The following CUL7 variants were observed in gnomAD, a reference collection of about 807,000 sequenced individuals.
The protein encoded by CUL7 is cullin-7.
In CUL7, 96 loss-of-function variants were observed where a neutral mutation model predicts 177.7. The ratio of observed to expected loss-of-function variants is 0.54; its 90% CI spans 0.46 to 0.64. The LOEUF (loss-of-function observed/expected upper bound fraction) is 0.64. Among genes scored for constraint, CUL7 ranks in the 30% least tolerant of loss-of-function variants. The pLI is 0.00. For missense variants in CUL7, 1,893 were observed against 2,187.9 expected, an observed-to-expected ratio of 0.87 and a Z score of 2.69; for synonymous variants, 824 against 890.2, an observed-to-expected ratio of 0.93 and a Z score of 1.32.
chr6:43,047,174 G>A, intron 9 of CUL7, 67 bp from the exon 10 acceptor site: 2 of 875,184 alleles, frequency 2.3e-6, no homozygotes, highest in Non-Finnish European at 3.9e-6. Flanking sequence ...ACCTGCAGTA[G>A]CAGGTACCCA....
rs762248583 is a variant in CUL7 at position 43,040,532 on chromosome 6, G to T, written c.4021C>A (p.Gln1341Lys). The change falls in exon 21 of 26, where the codon CAG becomes AAG. Residue 1341 changes from glutamine (Q) to lysine (K), a missense_variant and splice_region_variant. Gln to Lys is a moderately conservative substitution (Grantham distance 53). Transcript: ENST00000265348. The surrounding 1 kb of genome is among the most constrained non-coding windows in gnomAD (Gnocchi z 4.2). ...LKLEDTEKKIQVGLGASGKEH... is the reference protein window; with the variant it reads ...LKLEDTEKKIKVGLGASGKEH... ...CTTATCCCTTCCAAGGCACTCACCT[G>T]TATTTTCTTCTCTGTATCCTCCAGC... 5 of 1,613,950 alleles carry T rather than the reference G, an allele frequency of 3.1e-6. No individual in the cohort carries two copies. Among genetic ancestry groups the T allele is most frequent in the Non-Finnish European group, 4.2e-6 (5 of 1,179,984 alleles).
At position 43,053,811 on chromosome 6, in the gene CUL7, G is replaced by A; in HGVS notation, c.-198C>T. The A allele has an allele frequency of 2.0e-6, 3 of 1,532,880 alleles. No homozygotes were observed. The highest frequency in any genetic ancestry group is 2.2e-4 in the Middle Eastern group (1 of 4,566). The allele number at this position is 1,532,880 out of a possible 1,614,324, so 95.0% of individuals were successfully genotyped here. A position where few individuals can be genotyped will look rare whatever the true frequency, so the allele number is the denominator to read the frequency against. ...AGTCGGCAGCCACTGGGGCAGGGTG[G>A]GGCCCGGTCCCTGCCAGCGGCTCCG... On this transcript the variant is annotated 5_prime_UTR_variant, in exon 1 of 26. Coordinates refer to ENST00000265348, the MANE Select transcript of CUL7 (RefSeq NM_014780.5). The surrounding 1 kb of genome is among the most constrained non-coding windows in gnomAD (Gnocchi z 4.1).
At position 43,052,649 on chromosome 6, in the gene CUL7, C is replaced by T. The variant is rs535734678; in HGVS notation, c.140G>A (p.Arg47His). ...EYQIRWLILR[R>H]GDEGDGGSGQ... Reference sequence around the variant, plus strand: ...AGAGCCCCCGTCCCCCTCATCGCCACGCCGCAGGATGAGCCAACGGATCTG... The same window carrying T: ...AGAGCCCCCGTCCCCCTCATCGCCATGCCGCAGGATGAGCCAACGGATCTG... The change falls in exon 2 of 26, where the codon CGT (arginine) becomes CAT (histidine). Residue 47 changes from arginine to histidine, a missense_variant. By Grantham distance (29) the Arg-to-His change is conservative (BLOSUM62 0). Transcript: ENST00000265348. This position sits in a 1 kb window ranked among gnomAD's most constrained non-coding sequence, Gnocchi z 4.5. 4.3e-5 allele frequency: 69 copies of T among 1,614,232 alleles called. No homozygotes were observed. The highest frequency in any genetic ancestry group is 1.2e-4 in the South Asian group (11 of 91,088).
At position 43,044,765 on chromosome 6, in the gene CUL7, G is replaced by A. The variant is rs750225135; in HGVS notation, c.3159C>T (p.Asn1053=). ...CAGGATGGTTACCAGGGGAGGTGATGTTCTGCACCACGGGGCTGACCAGGG... is the reference window on the plus strand; with the variant it reads ...CAGGATGGTTACCAGGGGAGGTGATATTCTGCACCACGGGGCTGACCAGGG... ...WEALVSPVVQ[N]ITSPDEDGIS... The change falls in exon 16 of 26, where the codon AAC becomes AAT. Residue 1053 remains asparagine, a synonymous_variant. Transcript: ENST00000265348. 6.8e-6 allele frequency: 11 copies of A among 1,611,302 alleles called. No individual in the cohort carries two copies. Among genetic ancestry groups the A allele is most frequent in the Middle Eastern group, 1.7e-4 (1 of 6,050 alleles).
At position 43,042,949 on chromosome 6, in the gene CUL7, A is replaced by G. The variant is rs959529000; in HGVS notation, c.3498T>C (p.Asp1166=). Residue 1166 remains aspartate, a synonymous_variant, in exon 19 of 26, where the codon GAT becomes GAC. Coordinates refer to ENST00000265348, the MANE Select transcript of CUL7 (RefSeq NM_014780.5). Reference sequence around the variant, plus strand: ...GCTCACAGTAGCGTGGCACAAAGTCATCATCCCGCCAGGATGAGGTCAGAA... The same window carrying G: ...GCTCACAGTAGCGTGGCACAAAGTCGTCATCCCGCCAGGATGAGGTCAGAA... ...NNFLTSSWRD[D]DFVPRYCEHF... 2 of 1,614,164 alleles carry G rather than the reference A, an allele frequency of 1.2e-6. No homozygotes were observed. The highest frequency in any genetic ancestry group is 3.3e-5 in the Admixed American group (2 of 60,024).
chr6:43,049,831 C>A, intron 6 of CUL7, 132 bp downstream of exon 6: 2 of 1,328,030 alleles, frequency 1.5e-6, no homozygotes, highest in Non-Finnish European at 2.1e-6. Flanking sequence ...TCTGAAAATT[C>A]CAGACCCCTC....
chr6:43,042,427 A>G (rs1237790122), intron 19 of CUL7, among the ~76,000 whole-genome samples: 1 of 151,792 alleles, frequency 6.6e-6, no homozygotes, highest in Non-Finnish European at 1.5e-5. Flanking sequence ...TGCAACCTCC[A>G]CTTCCTGGGT....
At position 43,043,614 on chromosome 6, in the gene CUL7, G is replaced by C; in HGVS notation, c.3189C>G (p.Ser1063Arg). 1 of 1,608,140 alleles carries C rather than the reference G, an allele frequency of 6.2e-7. No homozygotes were observed. The highest frequency in any genetic ancestry group is 8.5e-7 in the Non-Finnish European group (1 of 1,176,734). Residue 1063 changes from serine (S) to arginine (R), a missense_variant, in exon 17 of 26, where the codon AGC becomes AGG. Physicochemically the swap from Ser to Arg is moderately radical, Grantham distance 110. Transcript: ENST00000265348. This position sits in a 1 kb window ranked among gnomAD's most constrained non-coding sequence, Gnocchi z 4.2. ...NITSPDEDGISPLGWLLDQYL... is the reference protein window; with the variant it reads ...NITSPDEDGIRPLGWLLDQYL... ...ACTGGTCCAGCAGCCAACCCAGGGG[G>C]CTAATGCCATCCTCATCTAGAGGGT...
chr6:43,049,737 G>A, intron 6 of CUL7, 75 bp from the exon 7 acceptor site: 1 of 1,583,218 alleles, frequency 6.3e-7, no homozygotes, highest in Non-Finnish European at 8.6e-7. Flanking sequence ...TGGTAGGGGT[G>A]GGGGTCTCTC....
In CUL7 at chr6:43,040,094, C is replaced by G. The variant is rs771076769; in HGVS notation, c.4294+62G>C. On this transcript the variant is annotated intron_variant, in intron 22 of 25. Coordinates refer to ENST00000265348, the MANE Select transcript of CUL7 (RefSeq NM_014780.5). This position sits in a 1 kb window ranked among gnomAD's most constrained non-coding sequence, Gnocchi z 4.2. ...CAACATCAGGGTCTGCCCCCAACCC[C>G]AGGTCCTTTCCTAGCAGCCCACCCT... is the stretch of plus-strand genomic sequence containing the variant. 1.9e-6 allele frequency: 3 copies of G among 1,603,548 alleles called. No homozygotes were observed. In the South Asian group the frequency reaches 3.3e-5, roughly 18 times the overall value.
rs1163086399 is a variant in CUL7 at position 43,043,609 on chromosome 6, AG to A, written c.3193del (p.Leu1065TrpfsTer76). The A allele has an allele frequency of 1.2e-6, 2 of 1,610,350 alleles. No individual in the cohort carries two copies. The highest frequency in any genetic ancestry group is 2.2e-5 in the East Asian group (1 of 44,828). On this transcript the variant is annotated frameshift_variant, in exon 17 of 26. Transcript: ENST00000265348. LOFTEE classifies it high-confidence loss of function. The surrounding 1 kb of genome is among the most constrained non-coding windows in gnomAD (Gnocchi z 4.2). ...CAGGTACTGGTCCAGCAGCCAACCC[AG>A]GGGGCTAATGCCATCCTCATCTAGA... Reference protein sequence around the residue: ...TSPDEDGISPLGWLLDQYLEC... With the variant: ...TSPDEDGISPXGWLLDQYLEC...
chr6:43,044,861 C>G lies in CUL7; in HGVS notation c.3063G>C (p.Glu1021Asp). 1 of 1,613,864 alleles carries G rather than the reference C, an allele frequency of 6.2e-7. No homozygotes were observed. The highest frequency in any genetic ancestry group is 1.1e-5 in the South Asian group (1 of 91,076). The change falls in exon 16 of 26, where the codon GAG (glutamate) becomes GAC (aspartate). Residue 1021 changes from glutamate to aspartate, a missense_variant. Glu to Asp is a conservative substitution (Grantham distance 45). Around this residue, in one of 5 missense-constraint regions of CUL7, gnomAD observed 973 missense variants for 1,140.9 expected, o/e 0.85. Coordinates refer to ENST00000265348, the MANE Select transcript of CUL7 (RefSeq NM_014780.5). ...GGAGGAAGCGGTCAGCAAAATTCTG[C>G]TCCTGGCGCAGAGCACCGTTGAGTC... ...SSRLNGALRQ[E>D]QNFADRFLPD...
At chr6:43,044,695 C>T (rs1375209319) in intron 16 of CUL7, 57 bp downstream of exon 16, 5 of 1,578,940 alleles carry the variant, frequency 3.2e-6, no homozygotes, top group Non-Finnish European at 4.3e-6. Flanking sequence ...CAAGAAGGAA[C>T]TAATTAGTGG....
In CUL7 at chr6:43,040,022, G is replaced by A; in HGVS notation, c.4294+134C>T. The A allele has an allele frequency of 9.1e-7, 1 of 1,102,720 alleles. No individual in the cohort carries two copies. The highest frequency in any genetic ancestry group is 1.4e-6 in the Non-Finnish European group (1 of 723,694). The allele number at this position is 1,102,720 out of a possible 1,614,324, so 68.3% of individuals were successfully genotyped here. A position where few individuals can be genotyped will look rare whatever the true frequency, so the allele number is the denominator to read the frequency against. ...CCCAAAGTGCTGGGATTACAGGCGT[G>A]AGCACTGTGCCCAGCCAAAGACTAT... On this transcript the variant is annotated intron_variant, in intron 22 of 25. Coordinates refer to ENST00000265348, the MANE Select transcript of CUL7 (RefSeq NM_014780.5). This position sits in a 1 kb window ranked among gnomAD's most constrained non-coding sequence, Gnocchi z 4.2.
chr6:43,040,042 G>T lies in CUL7; in HGVS notation c.4294+114C>A. On this transcript the variant is annotated intron_variant, in intron 22 of 25. Coordinates refer to ENST00000265348, the MANE Select transcript of CUL7 (RefSeq NM_014780.5). This position sits in a 1 kb window ranked among gnomAD's most constrained non-coding sequence, Gnocchi z 4.2. Reference sequence around the variant, plus strand: ...GGCGTGAGCACTGTGCCCAGCCAAAGACTATCTCTTTTTACATCAAGCCTC... The same window carrying T: ...GGCGTGAGCACTGTGCCCAGCCAAATACTATCTCTTTTTACATCAAGCCTC... 2 of 1,305,634 alleles carry T rather than the reference G, an allele frequency of 1.5e-6. No homozygotes were observed. The highest frequency in any genetic ancestry group is 2.2e-6 in the Non-Finnish European group (2 of 903,284). The allele number at this position is 1,305,634 out of a possible 1,614,324, so 80.9% of individuals were successfully genotyped here.
At position 43,053,789 on chromosome 6, in the gene CUL7, CGGCAGCCACT is replaced by C. The variant is rs1479994244; in HGVS notation, c.-186_-177del. The C allele has an allele frequency of 1.6e-5, 24 of 1,531,714 alleles. No individual in the cohort carries two copies. Among genetic ancestry groups the C allele is most frequent in the Admixed American group, 2.0e-5 (1 of 50,840 alleles). The allele number at this position is 1,531,714 out of a possible 1,614,324, so 94.9% of individuals were successfully genotyped here. A position where few individuals can be genotyped will look rare whatever the true frequency, so the allele number is the denominator to read the frequency against. Reference sequence around the variant, plus strand: ...GGAACAGAGCTGCACCCGCGTGAGTCGGCAGCCACTGGGGCAGGGTGGGGCCCGGTCCCTG... The same window carrying C: ...GGAACAGAGCTGCACCCGCGTGAGTCGGGGCAGGGTGGGGCCCGGTCCCTG... On this transcript the variant is annotated 5_prime_UTR_variant, in exon 1 of 26. Transcript: ENST00000265348. The surrounding 1 kb of genome is among the most constrained non-coding windows in gnomAD (Gnocchi z 4.1).
At chr6:43,041,958 C>T (rs1016987610) in intron 19 of CUL7, among the ~76,000 whole-genome samples, 7 of 136,370 alleles carry the variant, frequency 5.1e-5, no homozygotes, top group East Asian at 2.2e-4. Context: ...GAGCTGAGAT[C>T]GAGCCACTGC....
chr6:43,040,640 A>G lies in CUL7; in HGVS notation c.3913T>C (p.Leu1305=), dbSNP rs370450817. The part of the protein sequence containing the change: ...CFPNRLPQQM[L]QSLSTSKELQ... ...TCCTTAGAGGTGCTCAGGCTCTGCA[A>G]CATCTGCTGGGGGAGGCGGTTGGGG... The change falls in exon 21 of 26, where the codon TTG becomes CTG. Residue 1305 remains leucine, a synonymous_variant. Transcript: ENST00000265348. The surrounding 1 kb of genome is among the most constrained non-coding windows in gnomAD (Gnocchi z 4.2). 6 of 1,614,100 alleles carry G rather than the reference A, an allele frequency of 3.7e-6. No individual in the cohort carries two copies. In the African/African-American group the frequency reaches 8.0e-5, roughly 22 times the overall value.
Position 43,052,940 on chromosome 6 carries a change from C to T in CUL7, c.-8-144G>A, listed in dbSNP as rs528831075. On this transcript the variant is annotated intron_variant, in intron 1 of 25. Coordinates refer to ENST00000265348, the MANE Select transcript of CUL7 (RefSeq NM_014780.5). The surrounding 1 kb of genome is among the most constrained non-coding windows in gnomAD (Gnocchi z 4.5). ...CCAGGCCCAGGAGTTGCATGCTGCA[C>T]GCTGGGTGGGGGCAGGCCTAAGCAG... 15 of 827,738 alleles carry T rather than the reference C, an allele frequency of 1.8e-5. No individual in the cohort carries two copies. In the East Asian group the frequency reaches 3.7e-4, roughly 20 times the overall value. The allele number at this position is 827,738 out of a possible 1,614,324, so 51.3% of individuals were successfully genotyped here.
Sources: allele counts gnomAD v4.1 joint callset (sites outside exome capture counted in the v4.1 genomes callset), GRCh38; gene constraint gnomAD v4.1.1; regional missense constraint gnomAD v4.1.1; non-coding constraint Gnocchi (gnomAD v3.1); transcripts MANE v1.5; gene names NCBI Gene and HGNC (gene_info 2026-07-23, HGNC 2026-07-21).